The following CADM2 variants were observed in gnomAD, a reference collection of about 807,000 sequenced individuals.
The protein encoded by CADM2 is cell adhesion molecule 2, also known as immunoglobulin superfamily member 4D.
A neutral mutation model predicts 49.8 loss-of-function variants in CADM2; 12 were observed. The observed-to-expected ratio is 0.24, with a 90% CI of 0.15 to 0.39. The LOEUF (loss-of-function observed/expected upper bound fraction) is 0.39, where lower values mean the gene tolerates loss of function less well. Ranked by LOEUF, CADM2 falls within the 10% of genes least tolerant of loss-of-function variation. The pLI is 1.00. For synonymous variants in CADM2, 214 were observed against 175.4 expected (o/e 1.22, Z -1.74); for missense variants, 378 against 492.3 (o/e 0.77, Z 2.20).
At chr3:84,993,522 T>C (rs2033009461) in intron 1 of CADM2, among the ~76,000 whole-genome samples, 1 of 152,020 alleles carries the variant, frequency 6.6e-6, no homozygotes, top group Non-Finnish European at 1.5e-5. Context: ...CTTTAAAGAG[T>C]AAATCTTGAG....
chr3:85,694,602 C>A (rs930865257), intron 1 of CADM2, among the ~76,000 whole-genome samples: 4 of 152,136 alleles, frequency 2.6e-5, no homozygotes, highest in African/African-American at 9.7e-5. Flanking sequence ...TATTGATAGA[C>A]ACTAAAATGC....
intron 8 of CADM2, among the ~76,000 whole-genome samples, chr3:86,038,407 G>T (rs111320031): frequency 4.8e-4 from 73 of 152,286 alleles, no homozygotes; most frequent in African/African-American, 1.7e-3. Flanking sequence ...TGCTGAGTCA[G>T]TGACCCTTAG....
intron 1 of CADM2, among the ~76,000 whole-genome samples, chr3:85,433,680 G>T (rs2036793365): frequency 6.6e-6 from 1 of 152,070 alleles, no homozygotes; most frequent in Non-Finnish European, 1.5e-5. Context: ...CCTGAGAATG[G>T]AATTGTTTTT....
intron 6 of CADM2, among the ~76,000 whole-genome samples, chr3:85,921,585 G>A (rs376814760): frequency 6.6e-6 from 1 of 152,000 alleles, no homozygotes; most frequent in Admixed American, 6.6e-5. Flanking sequence ...TCCCCTTATA[G>A]TTTCCCCTAT....
intron 8 of CADM2, among the ~76,000 whole-genome samples, chr3:86,035,884 T>A (rs1735092254): frequency 6.6e-6 from 1 of 152,144 alleles, no homozygotes; most frequent in Non-Finnish European, 1.5e-5. Flanking sequence ...ATCAAGGTGC[T>A]GGCAGATTCA....
intron 3 of CADM2, among the ~76,000 whole-genome samples, chr3:85,881,372 A>G (rs1712743032): frequency 6.6e-6 from 1 of 152,026 alleles, no homozygotes; most frequent in African/African-American, 2.4e-5. Flanking sequence ...TCAATATTTG[A>G]TTCATCTCAG....
At chr3:84,981,228 T>G (rs1287660579) in intron 1 of CADM2, among the ~76,000 whole-genome samples, 1 of 150,404 alleles carries the variant, frequency 6.6e-6, no homozygotes, top group Non-Finnish European at 1.5e-5. Context: ...ATATGTGGTG[T>G]TTGGTTTTTT....
At chr3:85,855,289 G>T (rs997255828) in intron 3 of CADM2, among the ~76,000 whole-genome samples, 2 of 151,966 alleles carry the variant, frequency 1.3e-5, no homozygotes, top group African/African-American at 4.8e-5. Context: ...CTCACCCCAA[G>T]CCACCCTCTA....
intron 1 of CADM2, among the ~76,000 whole-genome samples, chr3:85,071,475 A>G (rs2036742104): frequency 6.6e-6 from 1 of 152,184 alleles, no homozygotes; most frequent in Admixed American, 6.5e-5. Context: ...ACTTACAAGT[A>G]GTGCCACCAA....
chr3:85,031,788 G>T (rs549732887), intron 1 of CADM2, among the ~76,000 whole-genome samples: 1 of 152,080 alleles, frequency 6.6e-6, no homozygotes, highest in Non-Finnish European at 1.5e-5. Context: ...CCAGAGTGCC[G>T]GGATTACAGA....
intron 1 of CADM2, among the ~76,000 whole-genome samples, chr3:85,396,870 A>T (rs1161876082): frequency 6.6e-6 from 1 of 152,090 alleles, no homozygotes; most frequent in East Asian, 1.9e-4. Context: ...CATGACACCT[A>T]AAAGCAAAGG....
intron 1 of CADM2, among the ~76,000 whole-genome samples, chr3:85,397,963 G>A (rs957514666): frequency 1.3e-5 from 2 of 151,920 alleles, no homozygotes; most frequent in African/African-American, 4.8e-5. Context: ...CCAGATTCCT[G>A]CCAGAGGAGA....
rs372744034 is a variant in CADM2 at position 85,892,143 on chromosome 3, G to A, written c.529+5816G>A. On this transcript the variant is annotated intron_variant, in intron 5 of 9. Transcript: ENST00000383699. ...AGTACTTAAGAGGCATTGCAAGCAA[G>A]AGCTGGTAAGTACCTGAACTAATGG... is the stretch of plus-strand genomic sequence containing the variant. Among the ~76,000 whole-genome samples, 14 of 152,364 alleles carry A rather than the reference G, an allele frequency of 9.2e-5. No homozygotes were observed. In the South Asian group the frequency reaches 2.5e-3, roughly 27 times the overall value.
rs116722939 is a variant in CADM2, at chr3:85,932,411, A to G, written c.701-3356A>G. 1.7e-3 allele frequency among the ~76,000 whole-genome samples: 256 copies of G among 152,330 alleles called. 1 individual carries two copies. The highest frequency in any genetic ancestry group is 5.8e-3 in the African/African-American group (240 of 41,590). ...TAAGCTTGTGAAGCAGAACTGCACT[A>G]GGATATAAATCCATGAGTGATTGGT... is the stretch of plus-strand genomic sequence containing the variant. On this transcript the variant is annotated intron_variant, in intron 6 of 9. Transcript: ENST00000383699.
chr3:85,138,008 T>C (rs1416037648), intron 1 of CADM2, among the ~76,000 whole-genome samples: 4 of 152,268 alleles, frequency 2.6e-5, no homozygotes, highest in East Asian at 3.9e-4. Flanking sequence ...TTGAAATAGA[T>C]GTAATGCTTT....
chr3:85,625,388 G>T (rs977983475), intron 1 of CADM2, among the ~76,000 whole-genome samples: 1 of 152,036 alleles, frequency 6.6e-6, no homozygotes, highest in Non-Finnish European at 1.5e-5. Context: ...AAGAAAAAAA[G>T]AAAAGTTATC....
intron 1 of CADM2, among the ~76,000 whole-genome samples, chr3:85,275,991 A>T (rs924103103): frequency 1.3e-5 from 2 of 151,262 alleles, no homozygotes; most frequent in East Asian, 3.9e-4. Flanking sequence ...GCAGTGACCT[A>T]TGTACTACTG....
At chr3:85,159,075 A>T (rs2040233657) in intron 1 of CADM2, among the ~76,000 whole-genome samples, 1 of 152,156 alleles carries the variant, frequency 6.6e-6, no homozygotes, top group Non-Finnish European at 1.5e-5. Context: ...ATATGACCAA[A>T]CTACCTATAA....
intron 6 of CADM2, among the ~76,000 whole-genome samples, chr3:85,926,653 G>A (rs1373061233): frequency 6.6e-6 from 1 of 151,908 alleles, no homozygotes; most frequent in Admixed American, 6.6e-5. Flanking sequence ...GCTATCGGGA[G>A]GTTTTTTTTT....
Sources: gnomAD v4.1 joint callset for allele counts (sites outside exome capture counted in the v4.1 genomes callset) on GRCh38, gnomAD v4.1.1 for gene constraint, MANE v1.5 for transcripts, NCBI Gene and HGNC (gene_info 2026-07-23, HGNC 2026-07-21) for gene names.